Variants in ATXN7L1 observed in about 807,000 individuals in gnomAD.
ATXN7L1 encodes the protein ataxin-7-like protein 1.
ATXN7L1 carries 15 observed loss-of-function variants against 70.8 expected under a neutral mutation model. The ratio of observed to expected loss-of-function variants is 0.21; its 90% CI spans 0.14 to 0.33. The LOEUF is 0.33. ATXN7L1 is among the 10% of genes least tolerant of loss of function. The pLI, the probability that ATXN7L1 is intolerant of heterozygous loss-of-function variation, is 1.00. For missense variants in ATXN7L1, 975 were observed against 1,097.1 expected (o/e 0.89, Z 1.57); for synonymous variants, 440 against 445.1 (o/e 0.99, Z 0.14).
In ATXN7L1 at chr7:105,607,851, G is replaced by A; in HGVS notation, c.*1C>T. The A allele has an allele frequency of 6.4e-7, 1 of 1,551,742 alleles. No individual in the cohort carries two copies. The highest frequency in any genetic ancestry group is 1.2e-5 in the South Asian group (1 of 84,054). On this transcript the variant is annotated 3_prime_UTR_variant, in exon 12 of 12. Transcript: ENST00000419735. ...GATGTGGAAGTGGCTTCATAGTCTT[G>A]TTATGGAAGAGTCCTTATCCTGCCC...
intron 2 of ATXN7L1, among the ~76,000 whole-genome samples, chr7:105,814,180 C>T (rs1329547371): frequency 6.6e-6 from 1 of 152,208 alleles, no homozygotes; most frequent in African/African-American, 2.4e-5. Flanking sequence ...TGGGGACCAT[C>T]CAGTGTTTTC....
intron 4 of ATXN7L1, among the ~76,000 whole-genome samples, chr7:105,643,992 C>A (rs942700229): frequency 3.3e-5 from 5 of 152,190 alleles, no homozygotes; most frequent in African/African-American, 1.2e-4. Flanking sequence ...ATAAGCTTTG[C>A]TTTGGTCCCT....
chr7:105,758,495 G>A (rs977351791), intron 3 of ATXN7L1, among the ~76,000 whole-genome samples: 1 of 152,206 alleles, frequency 6.6e-6, no homozygotes, highest in African/African-American at 2.4e-5. Flanking sequence ...TTAGCCTCAC[G>A]TTTCTGGACA....
In ATXN7L1 at chr7:105,818,143, G is replaced by A. The variant is rs189862565; in HGVS notation, c.251-29435C>T. On this transcript the variant is annotated intron_variant, in intron 2 of 11. Transcript: ENST00000419735. The stretch of plus-strand genomic sequence containing the variant: ...ACTCTCAATGTAACAAGCTGCCTGG[G>A]CTAAAATCCTTGTCTTTTCAAATTA... Among the ~76,000 whole-genome samples, 516 of 152,272 alleles carry A rather than the reference G, an allele frequency of 3.4e-3. 6 individuals are homozygous for A. Among genetic ancestry groups the A allele is most frequent in the Non-Finnish European group, 4.1e-3 (280 of 68,020 alleles).
chr7:105,703,117 A>AAAAC (rs747347852), intron 3 of ATXN7L1, among the ~76,000 whole-genome samples: 10 of 151,938 alleles, frequency 6.6e-5, no homozygotes, highest in East Asian at 1.9e-4. Flanking sequence ...CTCCGTCTCA[A>AAAAC]AAACAAACAA....
chr7:105,706,216 T>C (rs1394258965), intron 3 of ATXN7L1, among the ~76,000 whole-genome samples: 1 of 151,752 alleles, frequency 6.6e-6, no homozygotes, highest in Non-Finnish European at 1.5e-5. Flanking sequence ...TTTTTTGAGA[T>C]GGAGTATCGC....
chr7:105,841,732 A>G (rs993045048), intron 2 of ATXN7L1, among the ~76,000 whole-genome samples: 18 of 152,164 alleles, frequency 1.2e-4, no homozygotes, highest in Non-Finnish European at 7.3e-5. Context: ...TTTTGTTACT[A>G]GTTATTATTG....
chr7:105,690,929 C>T (rs1303238170), intron 3 of ATXN7L1, among the ~76,000 whole-genome samples: 1 of 152,192 alleles, frequency 6.6e-6, no homozygotes, highest in Non-Finnish European at 1.5e-5. Flanking sequence ...AAAGATGCTA[C>T]CACCAGGCCA....
chr7:105,770,659 C>T (rs962146465), intron 3 of ATXN7L1, among the ~76,000 whole-genome samples: 1 of 152,144 alleles, frequency 6.6e-6, no homozygotes, highest in Non-Finnish European at 1.5e-5. Context: ...TTTAGCCAGT[C>T]TGATCTGAGC....
At chr7:105,838,071 A>G (rs1447787850) in intron 2 of ATXN7L1, among the ~76,000 whole-genome samples, 1 of 152,210 alleles carries the variant, frequency 6.6e-6, no homozygotes, top group African/African-American at 2.4e-5. Context: ...TCAATAACTT[A>G]CATTGGCTGT....
At chr7:105,727,787 TAC>T (rs1392558948) in intron 3 of ATXN7L1, among the ~76,000 whole-genome samples, 4 of 99,728 alleles carry the variant, frequency 4.0e-5, no homozygotes, top group Non-Finnish European at 8.1e-5. Context: ...TACACACACA[TAC>T]ACACATATAT....
At chr7:105,866,547 G>C (rs1351644470) in intron 2 of ATXN7L1, among the ~76,000 whole-genome samples, 5 of 152,192 alleles carry the variant, frequency 3.3e-5, no homozygotes, top group Admixed American at 3.3e-4. Context: ...CCACTTGCAA[G>C]AAGGGATTTC....
At chr7:105,637,336 G>C (rs563499613) in intron 7 of ATXN7L1, among the ~76,000 whole-genome samples, 2 of 152,120 alleles carry the variant, frequency 1.3e-5, no homozygotes, top group South Asian at 2.1e-4. Flanking sequence ...CTTCTTTTAC[G>C]ACTATGTCCT....
At chr7:105,645,700 C>G (rs1427001500) in intron 4 of ATXN7L1, among the ~76,000 whole-genome samples, 2 of 151,432 alleles carry the variant, frequency 1.3e-5, no homozygotes, top group Non-Finnish European at 2.9e-5. Context: ...GTAGTCCCAG[C>G]TACTCCAGAG....
chr7:105,732,295 C>G (rs1796665420), intron 3 of ATXN7L1, among the ~76,000 whole-genome samples: 1 of 152,026 alleles, frequency 6.6e-6, no homozygotes, highest in Admixed American at 6.5e-5. Context: ...TGCCTGTAGT[C>G]CCATCTACTC....
chr7:105,689,431 G>A (rs1261564864), intron 3 of ATXN7L1, among the ~76,000 whole-genome samples: 3 of 152,146 alleles, frequency 2.0e-5, no homozygotes, highest in Non-Finnish European at 4.4e-5. Context: ...AAATGCAAAA[G>A]CCTTTCAGTA....
At chr7:105,871,287 A>C (rs1818227124) in intron 2 of ATXN7L1, among the ~76,000 whole-genome samples, 1 of 152,134 alleles carries the variant, frequency 6.6e-6, no homozygotes, top group Non-Finnish European at 1.5e-5. Flanking sequence ...CATAGATCAA[A>C]ATGTAGGAAG....
chr7:105,769,325 G>T (rs1024909690), intron 3 of ATXN7L1, among the ~76,000 whole-genome samples: 1 of 152,132 alleles, frequency 6.6e-6, no homozygotes. Context: ...CGTGACCATG[G>T]AAGCGTGACC....
intron 1 of ATXN7L1, 143 bp from the exon 2 acceptor site, chr7:105,876,023 G>A (rs1222925322): frequency 2.0e-5 from 17 of 838,554 alleles, no homozygotes; most frequent in Non-Finnish European, 3.2e-5. Context: ...AATTGACAAT[G>A]CAACATTTTC....
Sources: gnomAD v4.1 joint callset for allele counts (sites outside exome capture counted in the v4.1 genomes callset) on GRCh38, gnomAD v4.1.1 for gene constraint, MANE v1.5 for transcripts, NCBI Gene and HGNC (gene_info 2026-07-23, HGNC 2026-07-21) for gene names.